The following NCOA2 variants were observed in gnomAD, a reference collection of about 807,000 sequenced individuals.
NCOA2 encodes the protein class E basic helix-loop-helix protein 75.
Under a neutral mutation model 145.1 loss-of-function variants are expected in NCOA2, and 21 were observed. That is an observed-to-expected ratio of 0.14 (90% CI 0.10 to 0.21). The LOEUF is 0.21. Ranked by LOEUF, NCOA2 falls within the 10% of genes least tolerant of loss-of-function variation. The pLI is 1.00. For synonymous variants in NCOA2, 619 were observed against 637.5 expected (o/e 0.97, Z 0.44); for missense variants, 1,472 against 1,837.6 (o/e 0.80, Z 3.64).
At chr8:70,256,522 T>G (rs1823646260) in intron 2 of NCOA2, among the ~76,000 whole-genome samples, 1 of 152,212 alleles carries the variant, frequency 6.6e-6, no homozygotes, top group Non-Finnish European at 1.5e-5. Context: ...CCGACTTCAT[T>G]GTAAAGGTGC....
intron 2 of NCOA2, among the ~76,000 whole-genome samples, chr8:70,282,503 T>C (rs1266287565): frequency 2.0e-5 from 3 of 152,178 alleles, no homozygotes; most frequent in Middle Eastern, 3.4e-3. Context: ...CTGGTCAACA[T>C]GGTGAAACCC....
intron 1 of NCOA2, among the ~76,000 whole-genome samples, chr8:70,372,393 G>C (rs1034704023): frequency 6.6e-6 from 1 of 152,118 alleles, no homozygotes; most frequent in Non-Finnish European, 1.5e-5. Context: ...AGATTAGTTG[G>C]GGGTTATGCA....
At chr8:70,409,016 A>C in the NCOA2 span, among the ~76,000 whole-genome samples, 2 of 152,072 alleles carry the variant, frequency 1.3e-5, no homozygotes, top group African/African-American at 4.8e-5. Context: ...AGGTGGGAGG[A>C]TCACTTGAGG....
intron 1 of NCOA2, among the ~76,000 whole-genome samples, chr8:70,306,831 T>C (rs1341309521): frequency 1.3e-5 from 2 of 152,112 alleles, no homozygotes; most frequent in African/African-American, 2.4e-5. Flanking sequence ...GTGAGCTATG[T>C]TTGTGCCATC....
chr8:70,258,517 A>G (rs745747124), intron 2 of NCOA2, among the ~76,000 whole-genome samples: 5 of 152,228 alleles, frequency 3.3e-5, no homozygotes, highest in Non-Finnish European at 7.4e-5. Flanking sequence ...GCTACTTTTC[A>G]TAAGTCACCA....
At chr8:70,114,289 A>G (rs1050440113) in intron 22 of NCOA2, among the ~76,000 whole-genome samples, 1 of 152,090 alleles carries the variant, frequency 6.6e-6, no homozygotes, top group Non-Finnish European at 1.5e-5. Flanking sequence ...GCCTCTCAAA[A>G]TGCTGGGATT....
intron 2 of NCOA2, among the ~76,000 whole-genome samples, chr8:70,270,686 T>C (rs542481439): frequency 1.3e-5 from 2 of 152,326 alleles, no homozygotes; most frequent in Non-Finnish European, 2.9e-5. Context: ...TAGTCTTTTC[T>C]GCTACCTTGG....
intron 3 of NCOA2, among the ~76,000 whole-genome samples, chr8:70,215,836 T>C (rs181709826): frequency 2.6e-5 from 4 of 152,244 alleles, no homozygotes; most frequent in South Asian, 2.1e-4. Context: ...CATTCTTTTT[T>C]CTTCCTTGTT....
intron 13 of NCOA2, 122 bp from the exon 14 acceptor site, chr8:70,141,521 T>G (rs770917009): frequency 1.1e-4 from 106 of 923,164 alleles, no homozygotes; most frequent in Middle Eastern, 3.2e-4. Flanking sequence ...AGCCAATAGC[T>G]AATGTTCTCA....
chr8:70,172,983 G>C (rs1038576187), intron 5 of NCOA2, among the ~76,000 whole-genome samples: 28 of 152,106 alleles, frequency 1.8e-4, no homozygotes, highest in Non-Finnish European at 3.1e-4. Context: ...AGCTCCATGA[G>C]AACATGTTCT....
chr8:70,156,269 G>A lies in NCOA2; in HGVS notation c.2096C>T (p.Ser699Phe), dbSNP rs919217052. The change falls in exon 11 of 23, where the codon TCC becomes TTC. Residue 699 changes from serine to phenylalanine, a missense_variant. By Grantham distance (155) the Ser-to-Phe change is radical (BLOSUM62 -2). Around this residue, in one of 4 missense-constraint regions of NCOA2, gnomAD observed 953 missense variants for 1,062.1 expected, o/e 0.90. Transcript: ENST00000452400. Reference sequence around the variant, plus strand: ...TGTTAACTTGGCCAAGTCCACAGGGGAACTGCTGTCCTGCAAGAGTCTGTG... The same window carrying A: ...TGTTAACTTGGCCAAGTCCACAGGGAAACTGCTGTCCTGCAAGAGTCTGTG... ...ILHRLLQDSS[S>F]PVDLAKLTAE... 4 of 1,613,950 alleles carry A rather than the reference G, an allele frequency of 2.5e-6. No individual in the cohort carries two copies. Among genetic ancestry groups the A allele is most frequent in the African/African-American group, 1.3e-5 (1 of 75,030 alleles).
chr8:70,121,724 A>G (rs1001284598), intron 21 of NCOA2, among the ~76,000 whole-genome samples: 7 of 152,250 alleles, frequency 4.6e-5, no homozygotes, highest in Non-Finnish European at 8.8e-5. Flanking sequence ...AATTAGACCA[A>G]TGACTCACAT....
At chr8:70,269,640 T>C (rs1824888478) in intron 2 of NCOA2, among the ~76,000 whole-genome samples, 1 of 152,202 alleles carries the variant, frequency 6.6e-6, no homozygotes, top group Non-Finnish European at 1.5e-5. Flanking sequence ...AACAAAGTTG[T>C]GGCTTCAACT....
chr8:70,266,696 C>G (rs993208435), intron 2 of NCOA2, among the ~76,000 whole-genome samples: 1 of 152,152 alleles, frequency 6.6e-6, no homozygotes, highest in African/African-American at 2.4e-5. Flanking sequence ...TTATCTAATC[C>G]ATAAATGCCT....
intron 22 of NCOA2, among the ~76,000 whole-genome samples, chr8:70,116,546 C>CA (rs1388175596): frequency 1.4e-3 from 188 of 130,506 alleles, no homozygotes; most frequent in African/African-American, 1.7e-3. Context: ...GAGTCCGTCT[C>CA]AAAAAAAAAA....
chr8:70,161,025 A>G (rs900077100), intron 9 of NCOA2, among the ~76,000 whole-genome samples: 1 of 152,204 alleles, frequency 6.6e-6, no homozygotes, highest in African/African-American at 2.4e-5. Context: ...CTTGGTCTAC[A>G]TCCAACACCT....
chr8:70,343,596 G>T (rs534105293), intron 1 of NCOA2, among the ~76,000 whole-genome samples: 52 of 152,122 alleles, frequency 3.4e-4, no homozygotes, highest in Middle Eastern at 3.4e-3. Context: ...CAGATCACTT[G>T]AGGTCAGGAG....
At chr8:70,120,979 C>T (rs966047229) in intron 22 of NCOA2, among the ~76,000 whole-genome samples, 4 of 152,148 alleles carry the variant, frequency 2.6e-5, no homozygotes, top group African/African-American at 9.7e-5. Flanking sequence ...TTATTTGCCA[C>T]ATTATTTCTT....
chr8:70,135,117 G>A (rs1374716964), intron 15 of NCOA2, among the ~76,000 whole-genome samples: 7 of 151,938 alleles, frequency 4.6e-5, no homozygotes, highest in South Asian at 2.1e-4. Flanking sequence ...CAGCTACCAC[G>A]GGCAGCTGAT....
Sources: allele counts gnomAD v4.1 joint callset (sites outside exome capture counted in the v4.1 genomes callset), GRCh38; gene constraint gnomAD v4.1.1; regional missense constraint gnomAD v4.1.1; transcripts MANE v1.5; gene names NCBI Gene and HGNC (gene_info 2026-07-23, HGNC 2026-07-21).